Variants in TRHDE observed in about 807,000 individuals in gnomAD.
TRHDE encodes the protein thyrotropin-releasing hormone-degrading ectoenzyme.
A neutral mutation model predicts 125.7 loss-of-function variants in TRHDE; 72 were observed. The observed-to-expected ratio is 0.57, with a 90% CI of 0.47 to 0.70. The LOEUF is 0.70. Among genes scored for constraint, TRHDE ranks in the 30% least tolerant of loss-of-function variants. TRHDE has a pLI of 0.00. For synonymous variants in TRHDE, 509 were observed against 509.1 expected (o/e 1.00, Z 0.00); for missense variants, 1,110 against 1,327.1 (o/e 0.84, Z 2.54).
chr12:72,547,947 T>A (rs1869499178), intron 7 of TRHDE, among the ~76,000 whole-genome samples: 1 of 151,860 alleles, frequency 6.6e-6, no homozygotes, highest in African/African-American at 2.4e-5. Context: ...GGTATACACA[T>A]CTCCAAATTC....
upstream of TRHDE, among the ~76,000 whole-genome samples, chr12:72,270,999 G>T (rs1178749999): frequency 1.3e-5 from 2 of 152,180 alleles, no homozygotes; most frequent in Non-Finnish European, 2.9e-5. Flanking sequence ...TTATGGCTAG[G>T]TGAAATGAAA....
intron 15 of TRHDE, among the ~76,000 whole-genome samples, chr12:72,639,600 T>C (rs1873942166): frequency 6.6e-6 from 1 of 152,124 alleles, no homozygotes; most frequent in Admixed American, 6.5e-5. Context: ...GTTTCCAGTT[T>C]TTCTGCTCTG....
chr12:72,119,805 G>A (rs1049038681), intron 2 of TRHDE, among the ~76,000 whole-genome samples: 1 of 152,118 alleles, frequency 6.6e-6, no homozygotes, highest in African/African-American at 2.4e-5. Flanking sequence ...TCTTTTGACA[G>A]TTTTGTCATG....
chr12:72,265,213 A>G (rs1879038645), intron 2 of TRHDE, among the ~76,000 whole-genome samples: 1 of 151,986 alleles, frequency 6.6e-6, no homozygotes, highest in African/African-American at 2.4e-5. Flanking sequence ...ATAGCATACA[A>G]ATAAATTTTT....
At position 72,272,687 on chromosome 12, in the gene TRHDE, A is replaced by G. The variant is rs1879273742; in HGVS notation, c.44A>G (p.Lys15Arg). 2.9e-6 allele frequency: 4 copies of G among 1,362,716 alleles called. No individual in the cohort carries two copies. Among genetic ancestry groups the G allele is most frequent in the Non-Finnish European group, 3.9e-6 (4 of 1,035,420 alleles). 84.4% of individuals were successfully genotyped at this position (1,362,716 alleles called of 1,614,324 possible). ...GELGEQEEEK[K>R]KKKKKKRKKK... is the part of the protein sequence containing the mutation. ...CTGGGGGAGCAAGAGGAGGAGAAGA[A>G]AAAGAAGAAGAAAAAGAAGAGGAAG... The change falls in exon 1 of 19, where the codon AAA becomes AGA. Residue 15 changes from lysine (K) to arginine (R), a missense_variant. By Grantham distance (26) the Lys-to-Arg change is conservative. Transcript: ENST00000261180. The surrounding 1 kb of genome is among the most constrained non-coding windows in gnomAD (Gnocchi z 6.7).
intron 3 of TRHDE, among the ~76,000 whole-genome samples, chr12:72,387,437 G>A (rs1034555213): frequency 6.6e-6 from 1 of 152,088 alleles, no homozygotes; most frequent in Non-Finnish European, 1.5e-5. Context: ...TCCATTGCTA[G>A]TATTCGCATT....
intron 3 of TRHDE, among the ~76,000 whole-genome samples, chr12:72,410,406 G>A (rs1444468695): frequency 2.6e-5 from 4 of 151,974 alleles, no homozygotes; most frequent in African/African-American, 9.7e-5. Context: ...TATGAGGCCA[G>A]CATAACTTTA....
chr12:72,136,462 T>A (rs1875988443), intron 2 of TRHDE, among the ~76,000 whole-genome samples: 2 of 152,226 alleles, frequency 1.3e-5, no homozygotes, highest in African/African-American at 4.8e-5. Flanking sequence ...AATGAATGCT[T>A]GTACTTTCCC....
At chr12:72,579,828 CTTAT>C (rs1372907491) in intron 12 of TRHDE, among the ~76,000 whole-genome samples, 9 of 152,032 alleles carry the variant, frequency 5.9e-5, no homozygotes, top group Non-Finnish European at 1.2e-4. Flanking sequence ...TTCAATCCTA[CTTAT>C]TTAAAGGTTT....
intron 3 of TRHDE, among the ~76,000 whole-genome samples, chr12:72,469,001 C>A (rs1876515835): frequency 6.6e-6 from 1 of 152,128 alleles, no homozygotes; most frequent in Non-Finnish European, 1.5e-5. Flanking sequence ...ACCTCTATGA[C>A]CTTTTAAAAT....
intron 2 of TRHDE, among the ~76,000 whole-genome samples, chr12:72,238,426 G>A (rs1369026343): frequency 9.7e-5 from 14 of 144,434 alleles, no homozygotes; most frequent in Non-Finnish European, 4.5e-5. Flanking sequence ...AAGTTCTGGG[G>A]TACATGTGCA....
intron 2 of TRHDE, among the ~76,000 whole-genome samples, chr12:72,193,810 A>T (rs1026434214): frequency 1.3e-5 from 2 of 152,148 alleles, no homozygotes; most frequent in African/African-American, 2.4e-5. Context: ...TTCTATGGAA[A>T]TTTTCCATTT....
intron 2 of TRHDE, among the ~76,000 whole-genome samples, chr12:72,337,348 A>G (rs1399711979): frequency 6.6e-6 from 1 of 152,050 alleles, no homozygotes; most frequent in African/African-American, 2.4e-5. Context: ...AGCTTCAGGC[A>G]CTCACCCTTC....
chr12:72,511,111 G>T (rs1230453763), intron 6 of TRHDE, among the ~76,000 whole-genome samples: 2 of 152,068 alleles, frequency 1.3e-5, no homozygotes, highest in African/African-American at 2.4e-5. Flanking sequence ...AAGTACTTAG[G>T]CTTGTGAAAT....
At chr12:72,433,565 C>G (rs1374145195) in intron 3 of TRHDE, among the ~76,000 whole-genome samples, 1 of 151,788 alleles carries the variant, frequency 6.6e-6, no homozygotes, top group East Asian at 2.0e-4. Context: ...TATTTTCAGC[C>G]TCTCACATTC....
At position 72,473,090 on chromosome 12, in the gene TRHDE, T is replaced by C. The variant is rs1876724372; in HGVS notation, c.1494T>C (p.Pro498=). Residue 498 remains proline, a synonymous_variant, in exon 5 of 19, where the codon CCT becomes CCC. Transcript: ENST00000261180. ...CHQWFGDLVT[P]VWWEDVWLKE... ...AGTGGTTTGGTGACCTTGTGACGCC[T>C]GTGTGGTGGGAAGACGTGTGGCTGA... 1.2e-6 allele frequency: 2 copies of C among 1,613,972 alleles called. No individual in the cohort carries two copies.
intron 6 of TRHDE, among the ~76,000 whole-genome samples, chr12:72,530,842 T>C (rs1246882042): frequency 6.6e-6 from 1 of 152,106 alleles, no homozygotes; most frequent in African/African-American, 2.4e-5. Context: ...AAAGCAATAA[T>C]GGGTATTTGA....
chr12:72,253,379 A>T (rs1330370089), intron 2 of TRHDE: 1 of 152,572 alleles, frequency 6.6e-6, no homozygotes, highest in Non-Finnish European at 1.5e-5. Flanking sequence ...CTTCCCCCCA[A>T]CCCCCATTTC....
intron 2 of TRHDE, among the ~76,000 whole-genome samples, chr12:72,110,702 G>A (rs186466592): frequency 6.6e-6 from 1 of 152,058 alleles, no homozygotes; most frequent in Non-Finnish European, 1.5e-5. Context: ...CATGATTGCT[G>A]TTCTACAATG....
Sources: allele counts gnomAD v4.1 joint callset (sites outside exome capture counted in the v4.1 genomes callset), GRCh38; gene constraint gnomAD v4.1.1; non-coding constraint Gnocchi (gnomAD v3.1); transcripts MANE v1.5; gene names NCBI Gene and HGNC (gene_info 2026-07-23, HGNC 2026-07-21).